The following ZNF385D variants were observed in gnomAD, a reference collection of about 807,000 sequenced individuals.
ZNF385D encodes zinc finger protein 659.
ZNF385D carries 15 observed loss-of-function variants against 35.8 expected under a neutral mutation model. The ratio of observed to expected loss-of-function variants is 0.42; its 90% CI spans 0.28 to 0.64. The LOEUF (loss-of-function observed/expected upper bound fraction) is 0.64, where lower values mean the gene tolerates loss of function less well. Among genes scored for constraint, ZNF385D ranks in the 30% least tolerant of loss-of-function variants. The pLI is 0.23. For missense variants in ZNF385D, 474 were observed against 494.6 expected, an observed-to-expected ratio of 0.96 and a Z score of 0.39; for synonymous variants, 212 against 186.8, an observed-to-expected ratio of 1.13 and a Z score of -1.10.
In ZNF385D at chr3:21,488,767, T is replaced by C. The variant is rs188069747; in HGVS notation, c.439+22094A>G. ...CCCACTGGTCAGTTTGCTACTTTAG[T>C]CTTGGCTATTTTTTTCTTAGGCCAG... is the stretch of plus-strand genomic sequence containing the variant. On this transcript the variant is annotated intron_variant, in intron 4 of 7. Coordinates refer to ENST00000281523, the MANE Select transcript of ZNF385D (RefSeq NM_024697.3). 3.9e-5 allele frequency among the ~76,000 whole-genome samples: 6 copies of C among 152,246 alleles called. No individual in the cohort carries two copies. The East Asian group carries it at 1.2e-3, about 30-fold the overall frequency.
At chr3:22,296,776 C>G (rs867061835) in intron 2 of ZNF385D, among the ~76,000 whole-genome samples, 1 of 152,110 alleles carries the variant, frequency 6.6e-6, no homozygotes, top group African/African-American at 2.4e-5. Flanking sequence ...TTCCCCACAG[C>G]ATAGTGTCTG....
intron 4 of ZNF385D, among the ~76,000 whole-genome samples, chr3:21,499,910 A>G (rs1325776196): frequency 6.6e-6 from 1 of 152,196 alleles, no homozygotes; most frequent in Admixed American, 6.5e-5. Flanking sequence ...CATGGGATTA[A>G]TATGCTTTCT....
chr3:22,241,013 GT>G (rs951892457), intron 2 of ZNF385D, among the ~76,000 whole-genome samples: 4 of 151,160 alleles, frequency 2.6e-5, no homozygotes, highest in Non-Finnish European at 5.9e-5. Context: ...CACAGTTTAA[GT>G]GTTATGTGAA....
At chr3:21,944,934 G>C (rs1457307136) in intron 3 of ZNF385D, among the ~76,000 whole-genome samples, 2 of 151,954 alleles carry the variant, frequency 1.3e-5, no homozygotes, top group Non-Finnish European at 2.9e-5. Context: ...ACTTCTTAAT[G>C]AGTTTTGTAA....
At chr3:22,088,662 C>T (rs1419976123) in intron 3 of ZNF385D, among the ~76,000 whole-genome samples, 1 of 152,046 alleles carries the variant, frequency 6.6e-6, no homozygotes, top group Non-Finnish European at 1.5e-5. Context: ...TGTGTGGGAC[C>T]ATACATAAGC....
intron 1 of ZNF385D, among the ~76,000 whole-genome samples, chr3:21,680,772 G>C (rs916702967): frequency 3.3e-5 from 5 of 152,058 alleles, no homozygotes. Context: ...TGGCAGTCTT[G>C]CCTATAGCTT....
chr3:22,150,403 T>C (rs1289688171), intron 3 of ZNF385D, among the ~76,000 whole-genome samples: 3 of 151,992 alleles, frequency 2.0e-5, no homozygotes, highest in Admixed American at 2.0e-4. Flanking sequence ...AGATTTTACC[T>C]AAAGAAACAA....
chr3:21,663,680 T>A (rs999724632), intron 2 of ZNF385D, among the ~76,000 whole-genome samples: 3 of 151,766 alleles, frequency 2.0e-5, no homozygotes, highest in African/African-American at 7.3e-5. Flanking sequence ...GCTTTATTTA[T>A]GAGATATCAA....
chr3:21,597,571 A>T (rs181514741), intron 2 of ZNF385D, among the ~76,000 whole-genome samples: 62 of 152,258 alleles, frequency 4.1e-4, no homozygotes, highest in Admixed American at 2.6e-3. Flanking sequence ...TAAAGCTCAG[A>T]CTTGAGAATT....
intron 2 of ZNF385D, among the ~76,000 whole-genome samples, chr3:22,263,447 G>C (rs1269220054): frequency 1.3e-5 from 2 of 151,640 alleles, no homozygotes; most frequent in Admixed American, 6.6e-5. Context: ...GACTTTCTTT[G>C]ACTATTCCAC....
intron 3 of ZNF385D, among the ~76,000 whole-genome samples, chr3:21,829,621 G>A (rs749056326): frequency 1.2e-4 from 17 of 144,992 alleles, no homozygotes; most frequent in Non-Finnish European, 2.0e-4. Flanking sequence ...TTGTTAAAAT[G>A]GTGAACTGTA....
At chr3:21,750,074 A>C (rs1386438787) in intron 1 of ZNF385D, among the ~76,000 whole-genome samples, 1 of 152,236 alleles carries the variant, frequency 6.6e-6, no homozygotes, top group African/African-American at 2.4e-5. Context: ...TTCAGAGAGG[A>C]GGAACAAATA....
chr3:21,702,894 T>C (rs1048964615), intron 1 of ZNF385D, among the ~76,000 whole-genome samples: 1 of 152,208 alleles, frequency 6.6e-6, no homozygotes, highest in African/African-American at 2.4e-5. Flanking sequence ...TTATTGTTCA[T>C]ATCACTATAA....
chr3:21,824,506 T>C (rs985935177), intron 3 of ZNF385D, among the ~76,000 whole-genome samples: 6 of 152,298 alleles, frequency 3.9e-5, no homozygotes, highest in South Asian at 4.1e-4. Flanking sequence ...TTTATGTACA[T>C]ATGTCTGTAC....
At chr3:22,161,822 A>G (rs924004142) in intron 3 of ZNF385D, among the ~76,000 whole-genome samples, 5 of 152,312 alleles carry the variant, frequency 3.3e-5, no homozygotes, top group South Asian at 2.1e-4. Flanking sequence ...CATAAACTCA[A>G]TAACATAAGA....
chr3:22,178,660 C>A (rs539856798), intron 2 of ZNF385D, among the ~76,000 whole-genome samples: 2 of 152,272 alleles, frequency 1.3e-5, no homozygotes, highest in South Asian at 2.1e-4. Flanking sequence ...CCTTGCCCCC[C>A]ATGCCTATGT....
At chr3:22,240,741 T>C (rs1420884912) in intron 2 of ZNF385D, among the ~76,000 whole-genome samples, 1 of 150,968 alleles carries the variant, frequency 6.6e-6, no homozygotes, top group Admixed American at 6.6e-5. Context: ...CATTGTGTAA[T>C]TGTAATTGTA....
chr3:21,495,698 T>A, intron 4 of ZNF385D, among the ~76,000 whole-genome samples: 1 of 150,794 alleles, frequency 6.6e-6, no homozygotes, highest in Non-Finnish European at 1.5e-5. Context: ...ATAAAGAAAA[T>A]CAAAGCTGAA....
At chr3:22,157,848 G>C (rs955249936) in intron 3 of ZNF385D, among the ~76,000 whole-genome samples, 21 of 152,120 alleles carry the variant, frequency 1.4e-4, no homozygotes, top group African/African-American at 4.8e-4. Context: ...GATACAAGTA[G>C]TTGTAAACAG....
Sources: gnomAD v4.1 joint callset for allele counts (sites outside exome capture counted in the v4.1 genomes callset) on GRCh38, gnomAD v4.1.1 for gene constraint, MANE v1.5 for transcripts, NCBI Gene and HGNC (gene_info 2026-07-23, HGNC 2026-07-21) for gene names.